The following BRD7 variants were observed in gnomAD, a reference collection of about 807,000 sequenced individuals.
BRD7 encodes bromodomain-containing protein 7.
BRD7 carries 15 observed loss-of-function variants against 82.1 expected under a neutral mutation model. The ratio of observed to expected loss-of-function variants is 0.18; its 90% CI spans 0.12 to 0.28. The LOEUF is 0.28. Among genes scored for constraint, BRD7 ranks in the 10% least tolerant of loss-of-function variants. BRD7 has a pLI of 1.00. For missense variants in BRD7, 638 were observed against 779.9 expected, an observed-to-expected ratio of 0.82 and a Z score of 2.17; for synonymous variants, 232 against 266.9, an observed-to-expected ratio of 0.87 and a Z score of 1.27.
At chr16:50,322,135 T>C in intron 12 of BRD7, 97 bp from the exon 13 acceptor site, 2 of 935,858 alleles carry the variant, frequency 2.1e-6, no homozygotes, top group Non-Finnish European at 3.3e-6. Flanking sequence ...CAAGAGAAAA[T>C]GAATACAAAT....
chr16:50,364,846 G>A (rs926214132), intron 2 of BRD7, among the ~76,000 whole-genome samples: 1 of 152,110 alleles, frequency 6.6e-6, no homozygotes, highest in Non-Finnish European at 1.5e-5. Flanking sequence ...AACAAGAAAC[G>A]AAGAATATTA....
At chr16:50,323,230 G>A (rs1459060350) in intron 12 of BRD7, among the ~76,000 whole-genome samples, 4 of 152,202 alleles carry the variant, frequency 2.6e-5, no homozygotes, top group Admixed American at 6.5e-5. Context: ...ATTACTGCAC[G>A]AGGAAAAGCC....
At chr16:50,353,920 A>AT (rs1201498464) in intron 4 of BRD7, among the ~76,000 whole-genome samples, 2 of 152,146 alleles carry the variant, frequency 1.3e-5, no homozygotes, top group Non-Finnish European at 2.9e-5. Context: ...TTTAATAAAG[A>AT]TTGAGTTATT....
chr16:50,325,558 C>G (rs1053209059), intron 11 of BRD7, among the ~76,000 whole-genome samples, 190 bp downstream of exon 11: 1 of 152,132 alleles, frequency 6.6e-6, no homozygotes, highest in African/African-American at 2.4e-5. Flanking sequence ...ATGCTACTAT[C>G]AGGGAGACAT....
chr16:50,324,998 C>A (rs781679983), intron 11 of BRD7, among the ~76,000 whole-genome samples: 1 of 152,212 alleles, frequency 6.6e-6, no homozygotes. Context: ...TAAAAGTGAA[C>A]AGATTCCCTC....
At chr16:50,363,631 C>T (rs889451440) in intron 2 of BRD7, among the ~76,000 whole-genome samples, 5 of 129,702 alleles carry the variant, frequency 3.9e-5, no homozygotes, top group African/African-American at 5.6e-5. Flanking sequence ...TAAGGCTTTA[C>T]GTTGTGTGTT....
At chr16:50,321,859 C>T in intron 13 of BRD7, 123 bp downstream of exon 13, 1 of 828,050 alleles carries the variant, frequency 1.2e-6, no homozygotes, top group Non-Finnish European at 2.0e-6. Flanking sequence ...TCAGCTAGGC[C>T]CTCACAACTC....
intron 5 of BRD7, among the ~76,000 whole-genome samples, chr16:50,347,475 TG>T (rs2038334814): frequency 6.6e-6 from 1 of 152,212 alleles, no homozygotes; most frequent in African/African-American, 2.4e-5. Flanking sequence ...AAATTGTCCC[TG>T]TTTGCAGATG....
rs1334672148 is a variant in BRD7, at chr16:50,316,493, T to A, written c.*2718A>T. The A allele has an allele frequency of 6.6e-6, 1 of 152,382 alleles. No individual in the cohort carries two copies. Among genetic ancestry groups the A allele is most frequent in the Non-Finnish European group, 1.5e-5 (1 of 68,064 alleles). 9.4% of individuals were successfully genotyped at this position (152,382 alleles called of 1,614,324 possible). A position where few individuals can be genotyped will look rare whatever the true frequency, so the allele number is the denominator to read the frequency against. ...GGAATGGAGTCTGTTTAGAGACAACTTGGACAACCTGTGAGTGCATCTCTT... is the reference window on the plus strand; with the variant it reads ...GGAATGGAGTCTGTTTAGAGACAACATGGACAACCTGTGAGTGCATCTCTT... On this transcript the variant is annotated 3_prime_UTR_variant, in exon 17 of 17. Coordinates refer to ENST00000394688, the MANE Select transcript of BRD7 (RefSeq NM_013263.5).
At chr16:50,349,612 T>A in intron 5 of BRD7, 1 of 470,998 alleles carries the variant, frequency 2.1e-6, no homozygotes, top group Admixed American at 2.3e-5. Context: ...AATTACCCAG[T>A]CTCAGGCAGT....
At chr16:50,329,946 T>C (rs1182206425) in intron 8 of BRD7, among the ~76,000 whole-genome samples, 2 of 152,202 alleles carry the variant, frequency 1.3e-5, no homozygotes, top group African/African-American at 4.8e-5. Context: ...CTGAGTTCTG[T>C]TTGGCTGTCC....
intron 4 of BRD7, among the ~76,000 whole-genome samples, chr16:50,351,867 T>C (rs2038541083): frequency 6.6e-6 from 1 of 152,122 alleles, no homozygotes; most frequent in Non-Finnish European, 1.5e-5. Context: ...TAAGGTGTAA[T>C]AATCAAATCA....
At chr16:50,332,499 GC>G (rs1190945672) in intron 8 of BRD7, among the ~76,000 whole-genome samples, 3 of 152,146 alleles carry the variant, frequency 2.0e-5, no homozygotes, top group Non-Finnish European at 4.4e-5. Context: ...AATAAGAGAT[GC>G]TGGCAAGGTT....
At position 50,318,863 on chromosome 16, in the gene BRD7, T is replaced by C. The variant is rs187945831; in HGVS notation, c.*348A>G. On this transcript the variant is annotated 3_prime_UTR_variant, in exon 17 of 17. Transcript: ENST00000394688. ...AGAACCACAGTAGTAAATTCTAAAA[T>C]TATTTCAAGTATGTTCGTATAACGG... 1.1e-5 allele frequency: 2 copies of C among 190,072 alleles called. No homozygotes were observed. Among genetic ancestry groups the C allele is most frequent in the East Asian group, 1.3e-4 (1 of 7,518 alleles). 11.8% of individuals were successfully genotyped at this position (190,072 alleles called of 1,614,324 possible).
At chr16:50,334,171 G>A (rs905021403) in intron 7 of BRD7, among the ~76,000 whole-genome samples, 8 of 152,200 alleles carry the variant, frequency 5.3e-5, no homozygotes, top group African/African-American at 1.4e-4. Flanking sequence ...GGTGCTGGGC[G>A]GTCAGGGCTG....
At chr16:50,348,290 C>T (rs1432151184) in intron 5 of BRD7, among the ~76,000 whole-genome samples, 1 of 152,166 alleles carries the variant, frequency 6.6e-6, no homozygotes, top group African/African-American at 2.4e-5. Context: ...AAATGTTAGA[C>T]CTAAAACCAT....
At chr16:50,361,904 G>A (rs1049595964) in intron 2 of BRD7, 1 of 152,034 alleles carries the variant, frequency 6.6e-6, no homozygotes, top group Admixed American at 6.6e-5. Flanking sequence ...TCTACGCAGT[G>A]GCCTATCATT....
In BRD7 at chr16:50,362,733, G is replaced by C. The variant is rs1050530522; in HGVS notation, c.258+5357C>G. On this transcript the variant is annotated intron_variant, in intron 2 of 16. Coordinates refer to ENST00000394688, the MANE Select transcript of BRD7 (RefSeq NM_013263.5). ...CTGTATCATTCCACTTATAAAAGCA[G>C]TCAAATTCACAGAGACAGAAAGTGG... Among the ~76,000 whole-genome samples the C allele has an allele frequency of 3.9e-5, 6 of 152,170 alleles. No individual in the cohort carries two copies. The East Asian group carries it at 1.2e-3, about 29-fold the overall frequency.
intron 5 of BRD7, among the ~76,000 whole-genome samples, chr16:50,341,927 T>TACACACAC (rs1555468837): frequency 1.5e-5 from 1 of 68,156 alleles, no homozygotes; most frequent in East Asian, 7.8e-4. Flanking sequence ...CTGCACACTT[T>TACACACAC]TCACACACAC....
Sources: allele counts gnomAD v4.1 joint callset (sites outside exome capture counted in the v4.1 genomes callset), GRCh38; gene constraint gnomAD v4.1.1; transcripts MANE v1.5; gene names NCBI Gene and HGNC (gene_info 2026-07-23, HGNC 2026-07-21).